The following SMARCA2 variants were observed in gnomAD, a reference collection of about 807,000 sequenced individuals.
SMARCA2 encodes SWI/SNF-related matrix-associated actin-dependent regulator of chromatin subfamily A member 2.
SMARCA2 carries 61 observed loss-of-function variants against 199.8 expected under a neutral mutation model. The observed-to-expected ratio is 0.31, with a 90% CI of 0.25 to 0.38. The LOEUF (loss-of-function observed/expected upper bound fraction) is 0.38, where lower values mean the gene tolerates loss of function less well. Among genes scored for constraint, SMARCA2 ranks in the 10% least tolerant of loss-of-function variants. The probability of loss-of-function intolerance (pLI) is 1.00; values close to 1 mark genes in which losing one functional copy is unlikely to be tolerated. For missense variants in SMARCA2, 1,344 were observed against 2,012.2 expected (o/e 0.67, Z 6.35); for synonymous variants, 935 against 732.0 (o/e 1.28, Z -4.48).
chr9:2,073,194 A>C lies in SMARCA2; in HGVS notation c.1747-18A>C, dbSNP rs1563749659. The C allele has an allele frequency of 1.2e-6, 2 of 1,613,752 alleles. No homozygotes were observed. The highest frequency in any genetic ancestry group is 2.2e-5 in the South Asian group (2 of 91,006). ...GGTCTTAACATGAAACCGTGACATG[A>C]TTTTCCCTCCTTTGTAGCCCATAGA... On this transcript the variant is annotated intron_variant, in intron 10 of 33. Coordinates refer to ENST00000349721, the MANE Select transcript of SMARCA2 (RefSeq NM_003070.5).
intron 1 of SMARCA2, among the ~76,000 whole-genome samples, chr9:2,019,601 A>T (rs1421528617): frequency 6.6e-6 from 1 of 151,910 alleles, no homozygotes; most frequent in Non-Finnish European, 1.5e-5. Flanking sequence ...ACACTTGTGC[A>T]GATAAGTATT....
intron 7 of SMARCA2, among the ~76,000 whole-genome samples, chr9:2,057,810 A>T (rs1029199105): frequency 1.3e-5 from 2 of 152,232 alleles, no homozygotes; most frequent in African/African-American, 4.8e-5. Context: ...TATATTTAAA[A>T]AGTGGATACA....
chr9:2,039,526 CTGGAGG>C lies in SMARCA2; in HGVS notation c.417_422del (p.Gly141_Gly142del). 6.2e-7 allele frequency: 1 copy of C among 1,614,170 alleles called. No individual in the cohort carries two copies. Among genetic ancestry groups the C allele is most frequent in the Non-Finnish European group, 8.5e-7 (1 of 1,180,022 alleles). ...CCAGAGCACGTCTCCAGCCCTATGT[CTGGAGG>C]AGGCCCAACTCCACCTCAGATGCCA... On this transcript the variant is annotated inframe_deletion, in exon 4 of 34. Transcript: ENST00000349721. This position sits in a 1 kb window ranked among gnomAD's most constrained non-coding sequence, Gnocchi z 4.8.
At chr9:2,167,384 C>T (rs542831021) in intron 28 of SMARCA2, among the ~76,000 whole-genome samples, 245 of 152,334 alleles carry the variant, frequency 1.6e-3, no homozygotes, top group Non-Finnish European at 2.3e-3. Flanking sequence ...ATCAATTGCT[C>T]GAAGACAATT....
chr9:2,058,562 A>C, intron 8 of SMARCA2, 98 bp downstream of exon 8: 1 of 1,016,914 alleles, frequency 9.8e-7, no homozygotes, highest in South Asian at 1.5e-5. Flanking sequence ...AAAAATGAAA[A>C]CTGCTTATCA....
rs1822667758 is a variant in SMARCA2, at chr9:2,104,506, G to A, written c.3292+337G>A. Among the ~76,000 whole-genome samples the A allele has an allele frequency of 6.6e-6, 1 of 152,096 alleles. No homozygotes were observed. Among genetic ancestry groups the A allele is most frequent in the South Asian group, 2.1e-4 (1 of 4,824 alleles). On this transcript the variant is annotated intron_variant, in intron 23 of 33. Transcript: ENST00000349721. This position sits in a 1 kb window ranked among gnomAD's most constrained non-coding sequence, Gnocchi z 4.0. ...ATGTGCCAAAGATATAGAATACATT[G>A]ACACACCTTTAACTTTTTCAGTTAA... is the stretch of plus-strand genomic sequence containing the variant.
At chr9:2,092,454 C>T (rs1344353928) in intron 19 of SMARCA2, among the ~76,000 whole-genome samples, 2 of 152,186 alleles carry the variant, frequency 1.3e-5, no homozygotes, top group Non-Finnish European at 2.9e-5. Context: ...TAAATTGAAT[C>T]ATATTGTTTA....
chr9:2,088,313 C>A (rs1452267021), intron 18 of SMARCA2, among the ~76,000 whole-genome samples, 187 bp from the exon 19 acceptor site: 1 of 152,158 alleles, frequency 6.6e-6, no homozygotes, highest in East Asian at 1.9e-4. Flanking sequence ...ATTTAGAGGT[C>A]ATTTTGTTAC....
Position 2,058,440 on chromosome 9 carries a change from A to G in SMARCA2, c.1497A>G (p.Glu499=). The G allele has an allele frequency of 6.2e-7, 1 of 1,614,176 alleles. No individual in the cohort carries two copies. Among genetic ancestry groups the G allele is most frequent in the Non-Finnish European group, 8.5e-7 (1 of 1,180,022 alleles). Residue 499 remains glutamate, a synonymous_variant, in exon 8 of 34, where the codon GAA becomes GAG. Transcript: ENST00000349721. ...AGAAGAAGGAGACAGAGCGGATTGA[A>G]AAGGAGAGAATGCGGCGACTGATGG... is the stretch of plus-strand genomic sequence containing the variant. ...REQKKETERI[E]KERMRRLMAE... is the part of the protein sequence containing the mutation.
chr9:2,064,708 G>C (rs529367430), intron 9 of SMARCA2, among the ~76,000 whole-genome samples: 1 of 152,150 alleles, frequency 6.6e-6, no homozygotes, highest in Non-Finnish European at 1.5e-5. Flanking sequence ...TATCACAGGT[G>C]ATAAACTCTG....
At chr9:2,126,228 T>C (rs905432477) in intron 27 of SMARCA2, among the ~76,000 whole-genome samples, 1 of 152,262 alleles carries the variant, frequency 6.6e-6, no homozygotes, top group Non-Finnish European at 1.5e-5. Context: ...GTTTTTATAA[T>C]TGTAATTCTG....
intron 23 of SMARCA2, among the ~76,000 whole-genome samples, chr9:2,107,008 C>A (rs765292581): frequency 6.6e-6 from 1 of 152,038 alleles, no homozygotes; most frequent in Admixed American, 6.5e-5. Flanking sequence ...GTATTGAGCA[C>A]GTTAAATCTT....
intron 1 of SMARCA2, among the ~76,000 whole-genome samples, chr9:2,019,909 T>C (rs1818528373): frequency 6.6e-6 from 1 of 151,806 alleles, no homozygotes; most frequent in Admixed American, 6.6e-5. Flanking sequence ...CCCAGAGAAA[T>C]AATAAATCAC....
chr9:2,039,612 A>G lies in SMARCA2; in HGVS notation c.502A>G (p.Asn168Asp), dbSNP rs779781841. ...PGDPQAMSQP[N>D]RGPSPFSPVQ... ...TGATCCGCAGGCCATGAGCCAGCCCAACAGAGGTCCCTCACCTTTCAGTCC... is the reference window on the plus strand; with the variant it reads ...TGATCCGCAGGCCATGAGCCAGCCCGACAGAGGTCCCTCACCTTTCAGTCC... The change falls in exon 4 of 34, where the codon AAC (asparagine) becomes GAC (aspartate). Residue 168 changes from asparagine (N) to aspartate (D), a missense_variant. Around this residue, in one of 18 missense-constraint regions of SMARCA2, gnomAD observed 275 missense variants for 247.5 expected, o/e 1.11. Transcript: ENST00000349721. This position sits in a 1 kb window ranked among gnomAD's most constrained non-coding sequence, Gnocchi z 4.8. 6.2e-7 allele frequency: 1 copy of G among 1,614,234 alleles called. No individual in the cohort carries two copies. Among genetic ancestry groups the G allele is most frequent in the Non-Finnish European group, 8.5e-7 (1 of 1,180,044 alleles).
intron 33 of SMARCA2, 121 bp from the exon 34 acceptor site, chr9:2,192,583 A>T (rs957430288): frequency 2.6e-5 from 20 of 766,650 alleles, no homozygotes; most frequent in Non-Finnish European, 4.1e-5. Flanking sequence ...ACGGAAAGAG[A>T]TTTGGCGAGT....
At chr9:2,063,012 A>ATCTCCCATTGAT (rs1015853057) in intron 9 of SMARCA2, among the ~76,000 whole-genome samples, 1 of 152,158 alleles carries the variant, frequency 6.6e-6, no homozygotes, top group African/African-American at 2.4e-5. Flanking sequence ...ATCTTTGAGT[A>ATCTCCCATTGAT]TCTCCCATTG....
Position 2,086,683 on chromosome 9 carries a change from G to A in SMARCA2, c.2527-146G>A, listed in dbSNP as rs538061792. ...TGCGGCCTATCAGGCATGAGACATT[G>A]TTGAGATTCCCTTGTCTCAAAGGTA... is the stretch of plus-strand genomic sequence containing the variant. On this transcript the variant is annotated intron_variant, in intron 17 of 33. Coordinates refer to ENST00000349721, the MANE Select transcript of SMARCA2 (RefSeq NM_003070.5). The surrounding 1 kb of genome is among the most constrained non-coding windows in gnomAD (Gnocchi z 4.3). 8.6e-6 allele frequency: 7 copies of A among 816,264 alleles called. No homozygotes were observed. In the South Asian group the frequency reaches 1.1e-4, roughly 13 times the overall value. The allele number at this position is 816,264 out of a possible 1,614,324, so 50.6% of individuals were successfully genotyped here.
At chr9:2,060,625 G>C (rs1188470656) in intron 8 of SMARCA2, among the ~76,000 whole-genome samples, 191 bp from the exon 9 acceptor site, 1 of 152,212 alleles carries the variant, frequency 6.6e-6, no homozygotes, top group African/African-American at 2.4e-5. Context: ...AGTGTCCTGG[G>C]ATGTAGGCGT....
chr9:2,031,558 T>C (rs1293980088), intron 2 of SMARCA2, among the ~76,000 whole-genome samples: 2 of 152,254 alleles, frequency 1.3e-5, no homozygotes, highest in Admixed American at 6.5e-5. Flanking sequence ...TATGTTTTTC[T>C]CCTGGATTGT....
Sources: allele counts gnomAD v4.1 joint callset (sites outside exome capture counted in the v4.1 genomes callset), GRCh38; gene constraint gnomAD v4.1.1; regional missense constraint gnomAD v4.1.1; non-coding constraint Gnocchi (gnomAD v3.1); transcripts MANE v1.5; gene names NCBI Gene and HGNC (gene_info 2026-07-23, HGNC 2026-07-21).